ATRNL1: variants seen among roughly 807,000 people sequenced by gnomAD.
The protein encoded by ATRNL1 is attractin-like protein 1.
Under a neutral mutation model 182.7 loss-of-function variants are expected in ATRNL1, and 95 were observed. That is an observed-to-expected ratio of 0.52 (90% confidence interval 0.44 to 0.62). The LOEUF is 0.62. ATRNL1 is among the 20% of genes least tolerant of loss of function. ATRNL1 has a pLI of 0.00. For synonymous variants in ATRNL1, 576 were observed against 568.3 expected (o/e 1.01, Z -0.19); for missense variants, 1,471 against 1,679.5 (o/e 0.88, Z 2.17).
At chr10:115,404,739 AAC>A (rs1565005407) in intron 20 of ATRNL1, among the ~76,000 whole-genome samples, 1 of 151,862 alleles carries the variant, frequency 6.6e-6, no homozygotes, top group African/African-American at 2.4e-5. Flanking sequence ...TAGGTTAGTG[AAC>A]AGTGTGGTGG....
intron 25 of ATRNL1, among the ~76,000 whole-genome samples, chr10:115,536,534 T>G (rs7903173): frequency 0.64 from 96,666 of 151,800 alleles, 31,739 homozygotes; most frequent in Middle Eastern, 0.73. Flanking sequence ...TTTGACTAGG[T>G]AAGGGAATTT....
intron 22 of ATRNL1, among the ~76,000 whole-genome samples, chr10:115,464,543 T>C (rs932951597): frequency 3.3e-5 from 5 of 151,994 alleles, no homozygotes; most frequent in African/African-American, 1.2e-4. Flanking sequence ...CTAAATGCTT[T>C]TTATATGGCT....
At chr10:115,705,804 A>G (rs1174295122) in intron 26 of ATRNL1, among the ~76,000 whole-genome samples, 2 of 151,970 alleles carry the variant, frequency 1.3e-5, no homozygotes, top group Admixed American at 6.6e-5. Flanking sequence ...TTATGCAGAA[A>G]GTAGTTTATT....
At chr10:115,276,695 T>A (rs1338891361) in intron 13 of ATRNL1, among the ~76,000 whole-genome samples, 2 of 152,216 alleles carry the variant, frequency 1.3e-5, no homozygotes, top group Non-Finnish European at 2.9e-5. Flanking sequence ...TATTTTCATT[T>A]ACAATTTACA....
intron 27 of ATRNL1, among the ~76,000 whole-genome samples, chr10:115,823,144 A>C (rs1950344289): frequency 6.6e-6 from 1 of 151,618 alleles, no homozygotes; most frequent in Non-Finnish European, 1.5e-5. Flanking sequence ...AATCAATAAA[A>C]TCCATCACAT....
At chr10:115,582,808 G>A (rs1855217275) in intron 26 of ATRNL1, among the ~76,000 whole-genome samples, 1 of 150,354 alleles carries the variant, frequency 6.7e-6, no homozygotes, top group African/African-American at 2.4e-5. Context: ...TTTTAGACAT[G>A]AAGTCCTTGC....
chr10:115,530,857 C>G (rs12263980), intron 25 of ATRNL1, among the ~76,000 whole-genome samples: 2,668 of 147,388 alleles, frequency 0.018, 80 homozygotes, highest in African/African-American at 0.064. Context: ...CAATTCCCAC[C>G]TATGAGTGAG....
chr10:115,944,709 A>T lies in ATRNL1; in HGVS notation c.4070A>T (p.Asp1357Val). The change falls in exon 29 of 29, where the codon GAT (aspartate) becomes GTT (valine). Residue 1357 changes from aspartate to valine, a missense_variant. Asp to Val is a radical substitution (Grantham distance 152, BLOSUM62 -3). This residue lies in a region of ATRNL1 where 437 missense variants were observed against 506.0 expected (regional missense o/e 0.86). Transcript: ENST00000355044. Reference protein sequence around the residue: ...LIDISQQKASDSKDKTSGVRN... With the variant: ...LIDISQQKASVSKDKTSGVRN... ...GATATTTCACAACAGAAAGCTTCAG[A>T]TAGTAAAGATAAGACTTCTGGAGTC... is the stretch of plus-strand genomic sequence containing the variant. The T allele has an allele frequency of 6.2e-7, 1 of 1,613,696 alleles. No homozygotes were observed. Among genetic ancestry groups the T allele is most frequent in the Non-Finnish European group, 8.5e-7 (1 of 1,179,674 alleles).
intron 19 of ATRNL1, among the ~76,000 whole-genome samples, chr10:115,388,219 T>A (rs1347404708): frequency 6.6e-6 from 1 of 152,202 alleles, no homozygotes; most frequent in Non-Finnish European, 1.5e-5. Context: ...AGTGGTGTGC[T>A]GGTTTCTACT....
At chr10:115,904,699 C>T (rs1181557817) in intron 28 of ATRNL1, among the ~76,000 whole-genome samples, 3 of 152,174 alleles carry the variant, frequency 2.0e-5, no homozygotes, top group Non-Finnish European at 4.4e-5. Flanking sequence ...GATATTTAAT[C>T]GACTGTCAAC....
intron 28 of ATRNL1, among the ~76,000 whole-genome samples, chr10:115,895,683 A>C (rs1187923523): frequency 2.6e-5 from 4 of 152,210 alleles, no homozygotes; most frequent in Non-Finnish European, 1.5e-5. Context: ...CCGGTGGTCA[A>C]AGATGCTAAT....
chr10:115,581,059 T>C (rs1237447515), intron 26 of ATRNL1, among the ~76,000 whole-genome samples: 1 of 152,162 alleles, frequency 6.6e-6, no homozygotes, highest in Non-Finnish European at 1.5e-5. Context: ...ATCTTGGTTT[T>C]TTATTCGGAG....
At chr10:115,228,233 TC>T (rs1849775643) in intron 9 of ATRNL1, among the ~76,000 whole-genome samples, 1 of 152,198 alleles carries the variant, frequency 6.6e-6, no homozygotes, top group South Asian at 2.1e-4. Flanking sequence ...ATTTCTGCTA[TC>T]CCACTCCTTC....
chr10:115,411,526 G>A (rs142489351), intron 20 of ATRNL1, among the ~76,000 whole-genome samples: 16 of 151,966 alleles, frequency 1.1e-4, no homozygotes, highest in African/African-American at 2.6e-4. Flanking sequence ...TGGAAAAGGA[G>A]TATGATTATC....
intron 9 of ATRNL1, among the ~76,000 whole-genome samples, chr10:115,226,292 A>T (rs1554898659): frequency 6.6e-6 from 1 of 152,108 alleles, no homozygotes; most frequent in African/African-American, 2.4e-5. Flanking sequence ...ATGTGGAAGT[A>T]CAATAATATT....
At chr10:115,295,479 C>T (rs1853134373) in intron 15 of ATRNL1, among the ~76,000 whole-genome samples, 1 of 152,166 alleles carries the variant, frequency 6.6e-6, no homozygotes, top group African/African-American at 2.4e-5. Flanking sequence ...CCAACAGTGG[C>T]AGCCTGTGGA....
intron 1 of ATRNL1, among the ~76,000 whole-genome samples, chr10:115,102,208 A>G (rs1592099624): frequency 6.6e-6 from 1 of 152,178 alleles, no homozygotes; most frequent in Non-Finnish European, 1.5e-5. Flanking sequence ...ATTTTGGATT[A>G]TGTCCTCCTG....
intron 15 of ATRNL1, among the ~76,000 whole-genome samples, chr10:115,292,625 G>T (rs1291743227): frequency 6.6e-6 from 1 of 151,892 alleles, no homozygotes; most frequent in Non-Finnish European, 1.5e-5. Context: ...TTCACCCAGT[G>T]TTGAGGACTA....
chr10:115,743,309 T>A (rs1337161154), intron 27 of ATRNL1, among the ~76,000 whole-genome samples: 1 of 151,428 alleles, frequency 6.6e-6, no homozygotes, highest in Non-Finnish European at 1.5e-5. Context: ...GATACTACCA[T>A]TCCTATCCAG....
Sources: allele counts gnomAD v4.1 joint callset (sites outside exome capture counted in the v4.1 genomes callset), GRCh38; gene constraint gnomAD v4.1.1; regional missense constraint gnomAD v4.1.1; transcripts MANE v1.5; gene names NCBI Gene and HGNC (gene_info 2026-07-23, HGNC 2026-07-21).